ZNF728: variants seen among roughly 807,000 people sequenced by gnomAD.
The protein encoded by ZNF728 is zinc finger protein 728.
ZNF728 carries 12 observed loss-of-function variants against 12.5 expected under a neutral mutation model. The observed-to-expected ratio is 0.96, with a 90% CI of 0.61 to 1.55. The LOEUF is 1.55. Among genes scored for constraint, ZNF728 ranks in the 40% most tolerant of loss-of-function variants. The pLI is 0.00. For synonymous variants in ZNF728, 205 were observed against 240.7 expected (o/e 0.85, Z 1.37); for missense variants, 692 against 719.2 (o/e 0.96, Z 0.43).
At chr19:22,979,370 A>C (rs1475917596) in intron 3 of ZNF728, among the ~76,000 whole-genome samples, 1 of 152,242 alleles carries the variant, frequency 6.6e-6, no homozygotes, top group African/African-American at 2.4e-5. Flanking sequence ...CTATGTGAAA[A>C]GACCAAATCT....
chr19:22,976,518 T>A lies in ZNF728; in HGVS notation c.819A>T (p.Glu273Asp). ...TCTCTCCAGCATGACTTCTCTTATG[T>A]TCAATAAGGCTTGAGGACCGGGTGA... ...KAFTRSSSLIEHKRSHAGEKP... is the reference protein window; with the variant it reads ...KAFTRSSSLIDHKRSHAGEKP... The change falls in exon 4 of 4, where the codon GAA becomes GAT. Residue 273 changes from glutamate to aspartate, a missense_variant. This residue lies in a region of ZNF728 where 440 missense variants were observed against 459.6 expected (regional missense o/e 0.96). Transcript: ENST00000594710. The A allele has an allele frequency of 6.2e-7, 1 of 1,612,908 alleles. No homozygotes were observed. Among genetic ancestry groups the A allele is most frequent in the Non-Finnish European group, 8.5e-7 (1 of 1,179,928 alleles).
intron 1 of ZNF728, among the ~76,000 whole-genome samples, chr19:22,994,061 G>T (rs1969022444): frequency 6.6e-6 from 1 of 152,156 alleles, no homozygotes; most frequent in South Asian, 2.1e-4. Flanking sequence ...TCTGCTCAAT[G>T]CACATATTTT....
chr19:22,991,720 A>T (rs550752721), intron 1 of ZNF728, among the ~76,000 whole-genome samples: 61 of 152,306 alleles, frequency 4.0e-4, no homozygotes, highest in African/African-American at 1.4e-3. Flanking sequence ...TCCTGTAATC[A>T]GTTCTGTGAG....
chr19:22,981,298 T>C (rs1193083308), intron 3 of ZNF728, among the ~76,000 whole-genome samples: 2 of 152,208 alleles, frequency 1.3e-5, no homozygotes, highest in Non-Finnish European at 2.9e-5. Context: ...AATAAATTCC[T>C]GGACACATGC....
chr19:23,000,807 G>A (rs189181611), intron 1 of ZNF728, among the ~76,000 whole-genome samples: 1 of 146,056 alleles, frequency 6.8e-6, no homozygotes, highest in African/African-American at 2.5e-5. Flanking sequence ...TGCAGAGGTT[G>A]CAGTGAGCCA....
intron 3 of ZNF728, among the ~76,000 whole-genome samples, chr19:22,981,343 C>T (rs2145335994): frequency 6.6e-6 from 1 of 152,300 alleles, no homozygotes; most frequent in East Asian, 1.9e-4. Flanking sequence ...GAAGTCAGAT[C>T]CCTGAATAGG....
chr19:23,002,049 C>T (rs1969118836), intron 1 of ZNF728, among the ~76,000 whole-genome samples: 1 of 152,208 alleles, frequency 6.6e-6, no homozygotes, highest in African/African-American at 2.4e-5. Flanking sequence ...GGCGCGGTGG[C>T]TTACACTTGT....
chr19:22,990,585 C>T (rs181677528), intron 1 of ZNF728, among the ~76,000 whole-genome samples: 62 of 152,310 alleles, frequency 4.1e-4, no homozygotes, highest in Admixed American at 7.8e-4. Context: ...ATATGGGCCA[C>T]GCTGTCCTGC....
At chr19:22,982,238 C>G (rs974358486) in intron 3 of ZNF728, among the ~76,000 whole-genome samples, 5 of 152,200 alleles carry the variant, frequency 3.3e-5, no homozygotes, top group African/African-American at 9.6e-5. Flanking sequence ...AATAGAGAGC[C>G]AAATCATGAC....
At chr19:22,989,565 C>G (rs1398321135) in intron 1 of ZNF728, among the ~76,000 whole-genome samples, 7 of 152,074 alleles carry the variant, frequency 4.6e-5, no homozygotes, top group Admixed American at 4.6e-4. Context: ...TTATTAACAT[C>G]AACTACACTA....
intron 1 of ZNF728, among the ~76,000 whole-genome samples, chr19:22,988,983 G>A (rs183481056): frequency 2.7e-5 from 4 of 149,786 alleles, no homozygotes; most frequent in East Asian, 3.9e-4. Flanking sequence ...CCCAGGAGGC[G>A]GACGTTGTGG....
intron 1 of ZNF728, among the ~76,000 whole-genome samples, chr19:22,998,766 T>A (rs1319794107): frequency 6.6e-6 from 1 of 152,182 alleles, no homozygotes; most frequent in Non-Finnish European, 1.5e-5. Context: ...AATAAATAGC[T>A]GTGATTAATA....
intron 3 of ZNF728, among the ~76,000 whole-genome samples, chr19:22,986,356 G>C (rs113445377): frequency 1.3e-5 from 2 of 151,838 alleles, no homozygotes; most frequent in African/African-American, 4.8e-5. Context: ...ATCATGCAGT[G>C]TTCTCTATAA....
intron 3 of ZNF728, among the ~76,000 whole-genome samples, chr19:22,984,255 A>G (rs944709287): frequency 1.1e-4 from 17 of 151,166 alleles, no homozygotes; most frequent in Non-Finnish European, 2.2e-4. Flanking sequence ...ACAATAATAG[A>G]AAAAAATTGA....
intron 1 of ZNF728, among the ~76,000 whole-genome samples, chr19:22,996,864 C>T (rs1198102049): frequency 1.3e-5 from 2 of 152,154 alleles, no homozygotes; most frequent in African/African-American, 4.8e-5. Flanking sequence ...TTTTCTCTTA[C>T]AACAGCCAGG....
chr19:22,989,364 GT>G (rs1261181765), intron 1 of ZNF728, among the ~76,000 whole-genome samples: 1 of 152,020 alleles, frequency 6.6e-6, no homozygotes, highest in African/African-American at 2.4e-5. Flanking sequence ...AGTTTTTCTG[GT>G]TTGTAAACAA....
chr19:22,999,162 C>G (rs1450538737), intron 1 of ZNF728, among the ~76,000 whole-genome samples: 3 of 152,130 alleles, frequency 2.0e-5, no homozygotes, highest in Admixed American at 6.6e-5. Flanking sequence ...ATCTTATTTG[C>G]TTTTCCCTAG....
chr19:23,002,379 C>T (rs1268197836), intron 1 of ZNF728, among the ~76,000 whole-genome samples: 2 of 152,160 alleles, frequency 1.3e-5, no homozygotes, highest in Admixed American at 6.5e-5. Flanking sequence ...TCAGGCTTAA[C>T]AAACTATAAA....
At chr19:22,992,252 CTTTT>C (rs369837179) in intron 1 of ZNF728, among the ~76,000 whole-genome samples, 3 of 151,550 alleles carry the variant, frequency 2.0e-5, no homozygotes, top group Admixed American at 1.3e-4. Context: ...TTTCTTTTTC[CTTTT>C]TTTTGAGACT....
Sources: gnomAD v4.1 joint callset for allele counts (sites outside exome capture counted in the v4.1 genomes callset) on GRCh38, gnomAD v4.1.1 for gene constraint, gnomAD v4.1.1 regional missense constraint, MANE v1.5 for transcripts, NCBI Gene and HGNC (gene_info 2026-07-23, HGNC 2026-07-21) for gene names.